Variants in TSHZ2 observed in about 807,000 individuals in gnomAD.
TSHZ2 encodes the protein teashirt homolog 2.
A neutral mutation model predicts 74.4 loss-of-function variants in TSHZ2; 21 were observed. The ratio of observed to expected loss-of-function variants is 0.28; its 90% CI spans 0.20 to 0.41. TSHZ2 has a LOEUF of 0.41. Ranked by LOEUF, TSHZ2 falls within the 10% of genes least tolerant of loss-of-function variation. The pLI is 1.00. For synonymous variants in TSHZ2, 540 were observed against 515.3 expected (o/e 1.05, Z -0.65); for missense variants, 1,244 against 1,293.5 (o/e 0.96, Z 0.59).
chr20:53,220,704 G>A (rs1159774102), intron 1 of TSHZ2, among the ~76,000 whole-genome samples: 2 of 152,156 alleles, frequency 1.3e-5, no homozygotes, highest in Admixed American at 6.6e-5. Flanking sequence ...CGGATGTGAG[G>A]GGCCGGTCAT....
At chr20:53,161,775 T>G (rs1987947232) in intron 1 of TSHZ2, among the ~76,000 whole-genome samples, 1 of 152,176 alleles carries the variant, frequency 6.6e-6, no homozygotes, top group South Asian at 2.1e-4. Flanking sequence ...CCAGGTGATA[T>G]TTGGGTGGGG....
chr20:53,302,395 G>A (rs185791203), intron 2 of TSHZ2, among the ~76,000 whole-genome samples: 1 of 152,218 alleles, frequency 6.6e-6, no homozygotes, highest in African/African-American at 2.4e-5. Flanking sequence ...GGATTTCATC[G>A]AACCTTGTTA....
chr20:53,203,484 T>C (rs566309283), intron 1 of TSHZ2, among the ~76,000 whole-genome samples: 4 of 152,116 alleles, frequency 2.6e-5, no homozygotes, highest in African/African-American at 9.6e-5. Context: ...GGTTCATTGA[T>C]TTGGCATGGG....
chr20:53,454,127 C>T (rs1380850579), intron 2 of TSHZ2, among the ~76,000 whole-genome samples: 1 of 152,176 alleles, frequency 6.6e-6, no homozygotes, highest in East Asian at 1.9e-4. Context: ...TTCCAGGCTT[C>T]ACCAACCTTT....
At chr20:53,035,639 T>C (rs1223092941) in intron 1 of TSHZ2, among the ~76,000 whole-genome samples, 2 of 152,204 alleles carry the variant, frequency 1.3e-5, no homozygotes, top group Non-Finnish European at 2.9e-5. Context: ...GAATTTGCCA[T>C]ATATGTCGCT....
rs1555813622 is a variant in TSHZ2 at position 53,001,230 on chromosome 20, G to GTGTA, written c.40+27900_40+27901insATGT. Among the ~76,000 whole-genome samples the GTGTA allele has an allele frequency of 3.4e-3, 423 of 126,210 alleles. 4 individuals carry two copies. The highest frequency in any genetic ancestry group is 0.011 in the African/African-American group (370 of 33,828). 82.8% of individuals were successfully genotyped at this position (126,210 alleles called of 152,430 possible). A position where few individuals can be genotyped will look rare whatever the true frequency, so the allele number is the denominator to read the frequency against. On this transcript the variant is annotated intron_variant, in intron 1 of 2. Coordinates refer to ENST00000371497, the MANE Select transcript of TSHZ2 (RefSeq NM_173485.6). ...CGTGTGTGTGTGTGTGTGTGTGTGT[G>GTGTA]TGTGTGTGTGTGTGTGTGTGTGTGT...
At chr20:53,233,438 A>G (rs1389297049) in intron 1 of TSHZ2, among the ~76,000 whole-genome samples, 1 of 152,230 alleles carries the variant, frequency 6.6e-6, no homozygotes, top group Non-Finnish European at 1.5e-5. Context: ...TCTAAGGGTG[A>G]GACCTTTACG....
intron 1 of TSHZ2, among the ~76,000 whole-genome samples, chr20:53,127,464 C>T (rs749277269): frequency 6.0e-4 from 91 of 152,212 alleles, no homozygotes; most frequent in Non-Finnish European, 1.0e-3. Flanking sequence ...CCAATGCTTT[C>T]GGAAGCCCAG....
At chr20:53,163,243 A>G (rs1373941072) in intron 1 of TSHZ2, among the ~76,000 whole-genome samples, 1 of 151,048 alleles carries the variant, frequency 6.6e-6, no homozygotes, top group Non-Finnish European at 1.5e-5. Flanking sequence ...TTGAAAGTGG[A>G]TGGACTTACC....
At chr20:53,004,498 G>A (rs1982565911) in intron 1 of TSHZ2, among the ~76,000 whole-genome samples, 1 of 152,108 alleles carries the variant, frequency 6.6e-6, no homozygotes, top group South Asian at 2.1e-4. Context: ...ACCTCTTCCT[G>A]TCTTTTTAAT....
Position 53,492,710 on chromosome 20 carries a change from T to G in TSHZ2, c.*5575T>G, listed in dbSNP as rs1472628000. 6.6e-6 allele frequency: 1 copy of G among 152,222 alleles called. No individual in the cohort carries two copies. Among genetic ancestry groups the G allele is most frequent in the African/African-American group, 2.4e-5 (1 of 41,458 alleles). The allele number at this position is 152,222 out of a possible 1,614,324, so 9.4% of individuals were successfully genotyped here. On this transcript the variant is annotated 3_prime_UTR_variant, in exon 3 of 3. Coordinates refer to ENST00000371497, the MANE Select transcript of TSHZ2 (RefSeq NM_173485.6). ...GCTCTACAGAGCTTTTACACCTTTT[T>G]GGGAAACCTGATATCAAACACATTT...
At chr20:53,203,398 T>C (rs1989057652) in intron 1 of TSHZ2, among the ~76,000 whole-genome samples, 1 of 152,074 alleles carries the variant, frequency 6.6e-6, no homozygotes, top group South Asian at 2.1e-4. Context: ...TTTCACCATA[T>C]TGGCCAGGCT....
intron 2 of TSHZ2, among the ~76,000 whole-genome samples, chr20:53,386,428 A>G (rs1474648217): frequency 6.6e-6 from 1 of 152,144 alleles, no homozygotes; most frequent in Non-Finnish European, 1.5e-5. Flanking sequence ...CCATTTTTTG[A>G]TTGGCAGCTG....
intron 2 of TSHZ2, among the ~76,000 whole-genome samples, chr20:53,313,285 A>C (rs1322275234): frequency 6.6e-6 from 1 of 152,228 alleles, no homozygotes; most frequent in Non-Finnish European, 1.5e-5. Context: ...CAAATCATAC[A>C]TTTATTTTAG....
intron 1 of TSHZ2, among the ~76,000 whole-genome samples, chr20:53,061,998 TAAGC>T (rs1984837506): frequency 1.3e-5 from 2 of 152,306 alleles, no homozygotes; most frequent in African/African-American, 4.8e-5. Context: ...TTAAAACACT[TAAGC>T]AAGAATTAGC....
At chr20:53,036,543 A>G (rs1435999350) in intron 1 of TSHZ2, among the ~76,000 whole-genome samples, 1 of 150,502 alleles carries the variant, frequency 6.6e-6, no homozygotes, top group Non-Finnish European at 1.5e-5. Flanking sequence ...TATATTAGAA[A>G]GAATTAGAAA....
intron 2 of TSHZ2, chr20:53,421,647 T>C: frequency 5.5e-6 from 1 of 180,776 alleles, no homozygotes; most frequent in Non-Finnish European, 1.2e-5. Flanking sequence ...TTGCCGACTG[T>C]GGACCACTCT....
At chr20:53,480,641 T>C (rs976452217) in intron 2 of TSHZ2, among the ~76,000 whole-genome samples, 7 of 151,894 alleles carry the variant, frequency 4.6e-5, no homozygotes, top group African/African-American at 1.7e-4. Context: ...TGAAACTGTC[T>C]CACACATTGC....
At chr20:53,131,582 C>T (rs919923149) in intron 1 of TSHZ2, among the ~76,000 whole-genome samples, 2 of 152,232 alleles carry the variant, frequency 1.3e-5, no homozygotes, top group East Asian at 1.9e-4. Context: ...ACGCCTCCTG[C>T]GTGTTGGTGC....
Sources: allele counts gnomAD v4.1 joint callset (sites outside exome capture counted in the v4.1 genomes callset), GRCh38; gene constraint gnomAD v4.1.1; transcripts MANE v1.5; gene names NCBI Gene and HGNC (gene_info 2026-07-23, HGNC 2026-07-21).